IQSEC3: variants seen among roughly 807,000 people sequenced by gnomAD.
IQSEC3 encodes the protein IQ motif and SEC7 domain-containing protein 3.
In IQSEC3, 50 loss-of-function variants were observed where a neutral mutation model predicts 105.4. That is an observed-to-expected ratio of 0.47 (90% CI 0.38 to 0.60). The LOEUF (loss-of-function observed/expected upper bound fraction) is 0.60, where lower values mean the gene tolerates loss of function less well. IQSEC3 is among the 20% of genes least tolerant of loss of function. The pLI, the probability that IQSEC3 is intolerant of heterozygous loss-of-function variation, is 0.00. For synonymous variants in IQSEC3, 708 were observed against 746.0 expected, an observed-to-expected ratio of 0.95 and a Z score of 0.83; for missense variants, 1,415 against 1,630.0, an observed-to-expected ratio of 0.87 and a Z score of 2.27.
At chr12:73,684 A>T (rs1403658451) in intron 1 of IQSEC3, among the ~76,000 whole-genome samples, 3 of 152,234 alleles carry the variant, frequency 2.0e-5, no homozygotes, top group Non-Finnish European at 4.4e-5. Context: ...AAAAAAAAGA[A>T]AAAGAAAAAG....
intron 2 of IQSEC3, among the ~76,000 whole-genome samples, chr12:114,657 G>A (rs1051142220): frequency 1.3e-5 from 2 of 152,256 alleles, no homozygotes; most frequent in Admixed American, 6.5e-5. Flanking sequence ...ATTTAACTCA[G>A]CAACAGGCTG....
At chr12:163,801 G>A (rs1422423453) in intron 9 of IQSEC3, among the ~76,000 whole-genome samples, 182 bp downstream of exon 9, 7 of 152,186 alleles carry the variant, frequency 4.6e-5, no homozygotes, top group Non-Finnish European at 8.8e-5. Context: ...GGGGGCTCAG[G>A]CAGACATGCT....
intron 2 of IQSEC3, among the ~76,000 whole-genome samples, chr12:118,380 C>A (rs1865116195): frequency 1.3e-5 from 2 of 152,082 alleles, no homozygotes. Flanking sequence ...CATATTGATT[C>A]AAAGAAAGGA....
chr12:126,002 T>C (rs1865391760), intron 3 of IQSEC3, 90 bp downstream of exon 3: 3 of 1,285,766 alleles, frequency 2.3e-6, no homozygotes, highest in Non-Finnish European at 3.2e-6. Flanking sequence ...CCCCGCTGGG[T>C]CCCCTCCGCT....
At chr12:97,742 G>A (rs1354494344) in intron 1 of IQSEC3, among the ~76,000 whole-genome samples, 1 of 152,178 alleles carries the variant, frequency 6.6e-6, no homozygotes, top group Non-Finnish European at 1.5e-5. Context: ...AGGTTACAGT[G>A]AGCTATGATC....
intron 1 of IQSEC3, among the ~76,000 whole-genome samples, chr12:84,589 G>C (rs150683732): frequency 1.3e-5 from 2 of 152,344 alleles, no homozygotes; most frequent in East Asian, 3.9e-4. Flanking sequence ...ATGAGTGCAT[G>C]AAGGGAAGCC....
At chr12:132,849 G>C (rs1865644691) in intron 3 of IQSEC3, among the ~76,000 whole-genome samples, 1 of 152,210 alleles carries the variant, frequency 6.6e-6, no homozygotes, top group African/African-American at 2.4e-5. Flanking sequence ...TCCCATCATT[G>C]TCACTGTCAC....
chr12:171,526 G>A lies in IQSEC3; in HGVS notation c.3114+365G>A, dbSNP rs1174784962. Reference sequence around the variant, plus strand: ...GCTCACTGCTCCCCCAGTACTTGCTGTATCAGAAGACCCCACATCCCGTTC... The same window carrying A: ...GCTCACTGCTCCCCCAGTACTTGCTATATCAGAAGACCCCACATCCCGTTC... On this transcript the variant is annotated intron_variant, in intron 13 of 13. Coordinates refer to ENST00000538872, the MANE Select transcript of IQSEC3 (RefSeq NM_001170738.2). The A allele has an allele frequency of 7.3e-5, 44 of 600,636 alleles. 1 individual carries two copies. The highest frequency in any genetic ancestry group is 6.6e-4 in the South Asian group (33 of 49,796). 37.2% of individuals were successfully genotyped at this position (600,636 alleles called of 1,614,324 possible). A position where few individuals can be genotyped will look rare whatever the true frequency, so the allele number is the denominator to read the frequency against.
In IQSEC3 at chr12:132,041, A is replaced by G. The variant is rs533633740; in HGVS notation, c.903+6129A>G. ...GGGAAGGATGGGTTGGAGAAATGCC[A>G]CAAAGATTAGTGGAGGAGACTGAGT... On this transcript the variant is annotated intron_variant, in intron 3 of 13. Coordinates refer to ENST00000538872, the MANE Select transcript of IQSEC3 (RefSeq NM_001170738.2). Among the ~76,000 whole-genome samples, 7 of 152,300 alleles carry G rather than the reference A, an allele frequency of 4.6e-5. No homozygotes were observed. In the South Asian group the frequency reaches 6.2e-4, roughly 14 times the overall value.
At chr12:144,767 C>G (rs1167667142) in intron 5 of IQSEC3, among the ~76,000 whole-genome samples, 4 of 152,246 alleles carry the variant, frequency 2.6e-5, no homozygotes, top group Admixed American at 6.5e-5. Context: ...CAGGCCTTAT[C>G]AAATGACAAT....
Position 66,973 on chromosome 12 carries a change from A to T in IQSEC3, c.91A>T (p.Thr31Ser), listed in dbSNP as rs17852242. The change falls in exon 1 of 14, where the codon ACC (threonine) becomes TCC (serine). Residue 31 changes from threonine (T) to serine (S), a missense_variant. Thr to Ser is a moderately conservative substitution (Grantham distance 58). Around this residue, in one of 6 missense-constraint regions of IQSEC3, gnomAD observed 34 missense variants for 80.3 expected, o/e 0.42. Transcript: ENST00000538872. The stretch of plus-strand genomic sequence containing the variant: ...GCAGAACCAGCAGAGCCTCATCCAC[A>T]CCCAGCGAGAGCGTATCGACGAGCT... ...IVQNQQSLIH[T>S]QRERIDELER... 282,884 of 1,525,658 alleles carry T rather than the reference A, an allele frequency of 0.19. 9,211 individuals are homozygous for T. The highest frequency in any genetic ancestry group is 0.21 in the Non-Finnish European group (242,465 of 1,139,628). The allele number at this position is 1,525,658 out of a possible 1,614,324, so 94.5% of individuals were successfully genotyped here.
At chr12:151,747 G>T (rs1331603535) in intron 5 of IQSEC3, among the ~76,000 whole-genome samples, 2 of 152,196 alleles carry the variant, frequency 1.3e-5, no homozygotes, top group East Asian at 3.9e-4. Context: ...CCCTGTTACT[G>T]TCTGCACTGC....
chr12:131,378 C>G (rs544756065), intron 3 of IQSEC3, among the ~76,000 whole-genome samples: 8 of 152,306 alleles, frequency 5.3e-5, no homozygotes, highest in African/African-American at 1.7e-4. Context: ...TCCCGCACCT[C>G]TCTCTGCTCT....
At chr12:119,555 G>C (rs1345761518) in intron 2 of IQSEC3, among the ~76,000 whole-genome samples, 2 of 152,136 alleles carry the variant, frequency 1.3e-5, no homozygotes, top group Non-Finnish European at 2.9e-5. Flanking sequence ...GGCTCCCAGG[G>C]GGATTCAGTT....
intron 5 of IQSEC3, among the ~76,000 whole-genome samples, chr12:153,465 T>A (rs1866577060): frequency 6.6e-6 from 1 of 152,128 alleles, no homozygotes; most frequent in Non-Finnish European, 1.5e-5. Context: ...CCCCCAGCTC[T>A]CCAGTGAGGA....
chr12:102,484 T>C (rs528807175), intron 2 of IQSEC3, among the ~76,000 whole-genome samples: 87 of 152,296 alleles, frequency 5.7e-4, no homozygotes, highest in African/African-American at 2.0e-3. Context: ...GCAAGTGCCT[T>C]CACTGCAGCA....
chr12:148,584 T>C (rs1555091723), intron 5 of IQSEC3: 2 of 152,196 alleles, frequency 1.3e-5, no homozygotes, highest in Non-Finnish European at 2.9e-5. Flanking sequence ...ATCAGCTTCC[T>C]TCTCTTCTAT....
chr12:100,364 C>T (rs1214795256), intron 2 of IQSEC3, among the ~76,000 whole-genome samples: 2 of 152,206 alleles, frequency 1.3e-5, no homozygotes, highest in African/African-American at 2.4e-5. Flanking sequence ...TCATGCTCAC[C>T]ATTTTCAGGT....
At chr12:141,310 TCC>T (rs1565429935) in intron 5 of IQSEC3, 25 bp downstream of exon 5, 1 of 1,599,570 alleles carries the variant, frequency 6.3e-7, no homozygotes, top group African/African-American at 1.3e-5. Context: ...CTCCGGGCTT[TCC>T]CCACTCCTTC....
Sources: allele counts gnomAD v4.1 joint callset (sites outside exome capture counted in the v4.1 genomes callset), GRCh38; gene constraint gnomAD v4.1.1; regional missense constraint gnomAD v4.1.1; transcripts MANE v1.5; gene names NCBI Gene and HGNC (gene_info 2026-07-23, HGNC 2026-07-21).